Variants in FANCB observed in about 807,000 individuals in gnomAD.
FANCB encodes FA complementation group B, also known as Fanconi anemia group B protein.
FANCB carries 5 observed loss-of-function variants against 38.9 expected under a neutral mutation model. The observed-to-expected ratio is 0.13, with a 90% confidence interval of 0.07 to 0.27. FANCB has a LOEUF of 0.27. Among genes scored for constraint, FANCB ranks in the 10% least tolerant of loss-of-function variants. The probability of loss-of-function intolerance (pLI) is 1.00; values close to 1 mark genes in which losing one functional copy is unlikely to be tolerated. For missense variants in FANCB, 573 were observed against 602.7 expected, an observed-to-expected ratio of 0.95 and a Z score of 0.52; for synonymous variants, 236 against 215.4, an observed-to-expected ratio of 1.10 and a Z score of -0.84.
chrX:14,789,172 C>G, the FANCB span, among the ~76,000 whole-genome samples: 1 of 111,877 alleles, frequency 8.9e-6, no homozygotes, highest in African/African-American at 3.2e-5. Context: ...CAAAGCCAAA[C>G]AGTGAACTCT....
chrX:14,859,953 T>C (rs1159004560), intron 3 of FANCB, among the ~76,000 whole-genome samples: 1 of 111,381 alleles, frequency 9.0e-6, no homozygotes, highest in Non-Finnish European at 1.9e-5. Context: ...GGAATACAGC[T>C]AGTATCGGGT....
At chrX:14,825,352 A>G in the FANCB span, among the ~76,000 whole-genome samples, 1 of 111,470 alleles carries the variant, frequency 9.0e-6, no homozygotes, top group Non-Finnish European at 1.9e-5. Flanking sequence ...TATGTCTCAC[A>G]TGTCTATTAT....
the FANCB span, among the ~76,000 whole-genome samples, chrX:14,734,528 T>C: frequency 8.9e-6 from 1 of 111,982 alleles, no homozygotes; most frequent in Admixed American, 9.5e-5. Flanking sequence ...AATTCTTTTC[T>C]TTAAGCATGC....
chrX:14,703,494 C>A, the FANCB span, among the ~76,000 whole-genome samples: 1 of 111,857 alleles, frequency 8.9e-6, no homozygotes, highest in African/African-American at 3.3e-5. Flanking sequence ...ATCTAGGGCC[C>A]TCTCCCCATC....
At chrX:14,758,983 T>G in the FANCB span, among the ~76,000 whole-genome samples, 1 of 110,716 alleles carries the variant, frequency 9.0e-6, no homozygotes, top group South Asian at 3.8e-4. Context: ...AATTACAAGA[T>G]ATGAAGGGAA....
the FANCB span, among the ~76,000 whole-genome samples, chrX:14,712,052 A>C: frequency 3.5e-5 from 4 of 112,889 alleles, no homozygotes; most frequent in Admixed American, 3.7e-4. Flanking sequence ...TATAGAAAAA[A>C]ATGCCATCTA....
At chrX:14,697,960 G>A in the FANCB span, among the ~76,000 whole-genome samples, 3 of 111,455 alleles carry the variant, frequency 2.7e-5, no homozygotes, top group African/African-American at 9.8e-5. Context: ...GTCTGTCAGT[G>A]CCACTTGCCA....
At chrX:14,851,800 C>T (rs955528515) in intron 6 of FANCB, among the ~76,000 whole-genome samples, 4 of 111,994 alleles carry the variant, frequency 3.6e-5, no homozygotes, top group Non-Finnish European at 5.6e-5. Context: ...TGAGGTTTCC[C>T]AGGAAATTAG....
the FANCB span, among the ~76,000 whole-genome samples, chrX:14,757,905 G>A: frequency 2.7e-5 from 3 of 111,643 alleles, no homozygotes; most frequent in Admixed American, 1.9e-4. Flanking sequence ...AGACGGAGAG[G>A]CATGAAACCT....
At chrX:14,751,678 G>A in the FANCB span, among the ~76,000 whole-genome samples, 1 of 111,718 alleles carries the variant, frequency 9.0e-6, no homozygotes, top group Non-Finnish European at 1.9e-5. Flanking sequence ...TTGCTCACAA[G>A]TACCACAGCC....
At chrX:14,785,377 T>C in the FANCB span, among the ~76,000 whole-genome samples, 1 of 112,277 alleles carries the variant, frequency 8.9e-6, no homozygotes, top group East Asian at 2.8e-4. Flanking sequence ...CCCATTTCTT[T>C]GAGCTTTCTG....
chrX:14,796,689 T>TACAC, the FANCB span, among the ~76,000 whole-genome samples: 57 of 59,523 alleles, frequency 9.6e-4, no homozygotes, highest in African/African-American at 5.0e-3. Flanking sequence ...CACACGTCTA[T>TACAC]ATATACACAC....
At chrX:14,843,374 G>T, downstream of FANCB, 2 of 399,515 alleles carry the variant, frequency 5.0e-6, no homozygotes, top group Non-Finnish European at 8.6e-6. Context: ...TGCCCCTTGG[G>T]GTAGAGGAGA....
chrX:14,854,716 T>A (rs1401329550), intron 5 of FANCB, among the ~76,000 whole-genome samples: 1 of 111,358 alleles, frequency 9.0e-6, no homozygotes, highest in Non-Finnish European at 1.9e-5. Flanking sequence ...CAGTACAAAA[T>A]AACATTTTAC....
the FANCB span, among the ~76,000 whole-genome samples, chrX:14,808,258 A>G: frequency 1.8e-5 from 2 of 111,942 alleles, no homozygotes; most frequent in African/African-American, 3.2e-5. Flanking sequence ...AAGACACATC[A>G]AGAAAGAAAA....
chrX:14,727,256 C>G, the FANCB span, among the ~76,000 whole-genome samples: 1 of 111,564 alleles, frequency 9.0e-6, no homozygotes, highest in Non-Finnish European at 1.9e-5. Flanking sequence ...AAAAGTTCCC[C>G]AGCAGCCAGA....
the FANCB span, among the ~76,000 whole-genome samples, chrX:14,691,284 T>A: frequency 0.025 from 1,575 of 62,182 alleles, 29 homozygotes; most frequent in African/African-American, 0.072. Context: ...TGTGTGTGTG[T>A]GTGTGTGTGT....
In FANCB at chrX:14,865,139, A is replaced by G; in HGVS notation, c.372T>C (p.Phe124=). 12 of 1,202,367 alleles carry G rather than the reference A, an allele frequency of 1.0e-5. No homozygotes were observed. The highest frequency in any genetic ancestry group is 1.8e-5 in the South Asian group (1 of 55,087). ...CATCCTTCATCTCATAGCCTAGTTTAAAACTCAAACGCATTTCAAATTTAT... is the reference window on the plus strand; with the variant it reads ...CATCCTTCATCTCATAGCCTAGTTTGAAACTCAAACGCATTTCAAATTTAT... The part of the protein sequence containing the change: ...STNKFEMRLS[F]KLGYEMKDGL... Residue 124 remains phenylalanine, a synonymous_variant, in exon 3 of 10, where the codon TTT becomes TTC. Transcript: ENST00000650831.
chrX:14,764,349 G>A, the FANCB span, among the ~76,000 whole-genome samples: 6 of 111,258 alleles, frequency 5.4e-5, no homozygotes, highest in African/African-American at 9.8e-5. Context: ...ATTCCATCTC[G>A]CAGGCCCTCT....
Sources: allele counts gnomAD v4.1 joint callset (sites outside exome capture counted in the v4.1 genomes callset), GRCh38; gene constraint gnomAD v4.1.1; transcripts MANE v1.5; gene names NCBI Gene and HGNC (gene_info 2026-07-23, HGNC 2026-07-21).